MYH1: variants seen among roughly 807,000 people sequenced by gnomAD.
The protein encoded by MYH1 is myosin heavy chain 1.
A neutral mutation model predicts 225.6 loss-of-function variants in MYH1; 214 were observed. That is an observed-to-expected ratio of 0.95 (90% CI 0.85 to 1.06). The LOEUF (loss-of-function observed/expected upper bound fraction) is 1.06. Ranked by LOEUF, MYH1 falls within the 50% of genes least tolerant of loss-of-function variation. MYH1 has a pLI of 0.00. For synonymous variants in MYH1, 774 were observed against 842.3 expected (o/e 0.92, Z 1.40); for missense variants, 2,098 against 2,344.2 (o/e 0.89, Z 2.17).
chr17:10,504,442 G>A (rs561088828), intron 22 of MYH1, among the ~76,000 whole-genome samples: 3 of 152,314 alleles, frequency 2.0e-5, no homozygotes, highest in Non-Finnish European at 4.4e-5. Flanking sequence ...TCAAGTTAAT[G>A]TGTTTTCATC....
chr17:10,496,726 C>A (rs1247494285), intron 33 of MYH1, among the ~76,000 whole-genome samples, 177 bp from the exon 34 acceptor site: 1 of 152,206 alleles, frequency 6.6e-6, no homozygotes, highest in Non-Finnish European at 1.5e-5. Context: ...CTCTAACACA[C>A]ACACTGTCTG....
intron 14 of MYH1, 54 bp from the exon 15 acceptor site, chr17:10,509,709 T>C: frequency 6.2e-7 from 1 of 1,613,930 alleles, no homozygotes; most frequent in Admixed American, 1.7e-5. Context: ...AATCTTCTCT[T>C]TGAAAGGGGT....
chr17:10,516,465 C>A lies in MYH1; in HGVS notation c.178G>T (p.Val60Leu), dbSNP rs771323354. The part of the protein sequence containing the change: ...ATVQSREGGK[V>L]TAKTEAGATV... ...GCTCCAGCTTCGGTCTTAGCTGTCA[C>A]CTTCCCCCCTTCCCTGCTCTGCACT... The change falls in exon 3 of 40, where the codon GTG becomes TTG. Residue 60 changes from valine (V) to leucine (L), a missense_variant. Transcript: ENST00000226207. 6.2e-7 allele frequency: 1 copy of A among 1,614,214 alleles called. No homozygotes were observed. Among genetic ancestry groups the A allele is most frequent in the Non-Finnish European group, 8.5e-7 (1 of 1,180,046 alleles).
Position 10,495,017 on chromosome 17 carries a change from C to A in MYH1, c.5380G>T (p.Val1794Leu). The A allele has an allele frequency of 6.2e-7, 1 of 1,614,240 alleles. No individual in the cohort carries two copies. The highest frequency in any genetic ancestry group is 8.5e-7 in the Non-Finnish European group (1 of 1,180,054). ...ERMKKNLEQTVKDLQHRLDEA... is the reference protein window; with the variant it reads ...ERMKKNLEQTLKDLQHRLDEA... ...TCCAGACGATGCTGCAGGTCCTTCA[C>A]CGTCTGTTCCAGGTTCTTCTTCATC... Residue 1794 changes from valine (V) to leucine (L), a missense_variant, in exon 37 of 40, where the codon GTG (valine) becomes TTG (leucine). Transcript: ENST00000226207.
intron 14 of MYH1, among the ~76,000 whole-genome samples, chr17:10,510,357 A>T (rs2073158876): frequency 6.6e-6 from 1 of 152,168 alleles, no homozygotes; most frequent in African/African-American, 2.4e-5. Flanking sequence ...TGCCTTGTAT[A>T]AGTTACTGCA....
chr17:10,510,324 T>C (rs143885862), intron 14 of MYH1, among the ~76,000 whole-genome samples: 2,024 of 152,328 alleles, frequency 0.013, 21 homozygotes, highest in South Asian at 0.034. Flanking sequence ...GAACATTTAC[T>C]CTACAGTAGA....
chr17:10,503,948 C>T (rs1258360312), intron 22 of MYH1, among the ~76,000 whole-genome samples: 1 of 152,156 alleles, frequency 6.6e-6, no homozygotes, highest in East Asian at 1.9e-4. Context: ...GTGGAAAACC[C>T]TGATCTATAC....
rs111523204 is a variant in MYH1, at chr17:10,496,976, T to C, written c.4656+93A>G. On this transcript the variant is annotated intron_variant, in intron 33 of 39. Transcript: ENST00000226207. ...TCATCCCTAGTTCATGGAGCAAAAA[T>C]TATTTTTCGTTTCTCTTGATTCACC... 3.6e-5 allele frequency: 55 copies of C among 1,515,260 alleles called. No homozygotes were observed. The African/African-American group carries it at 7.0e-4, about 19-fold the overall frequency. The allele number at this position is 1,515,260 out of a possible 1,614,324, so 93.9% of individuals were successfully genotyped here.
chr17:10,502,282 T>C (rs1286214882), intron 24 of MYH1, among the ~76,000 whole-genome samples: 1 of 152,238 alleles, frequency 6.6e-6, no homozygotes, highest in African/African-American at 2.4e-5. Context: ...TATCAGATCA[T>C]GTTTAAAGCC....
intron 16 of MYH1, 52 bp from the exon 17 acceptor site, chr17:10,508,008 T>G: frequency 1.4e-6 from 2 of 1,455,406 alleles, no homozygotes; most frequent in Non-Finnish European, 1.9e-6. Context: ...GGTTATGGTT[T>G]TTTTTTTTTG....
chr17:10,492,640 A>G, intron 39 of MYH1, 72 bp from the exon 40 acceptor site: 1 of 1,460,402 alleles, frequency 6.8e-7, no homozygotes, highest in South Asian at 1.4e-5. Context: ...TGGATCTTGA[A>G]TTTCCTTTTT....
chr17:10,497,858 T>C lies in MYH1; in HGVS notation c.4241A>G (p.Lys1414Arg), dbSNP rs750880701. ...AEEHVEAVNA[K>R]CASLEKTKQR... is the part of the protein sequence containing the mutation. ...CTTCGTCTTCTCAAGGGAAGCACAT[T>C]TGGCATTCACAGCTTCTACATGTTC... The change falls in exon 31 of 40, where the codon AAA becomes AGA. Residue 1414 changes from lysine (K) to arginine (R), a missense_variant. Transcript: ENST00000226207. 2 of 1,613,750 alleles carry C rather than the reference T, an allele frequency of 1.2e-6. No individual in the cohort carries two copies. The highest frequency in any genetic ancestry group is 1.7e-6 in the Non-Finnish European group (2 of 1,179,932).
At chr17:10,496,594 G>A (rs747466870) in intron 33 of MYH1, 45 bp from the exon 34 acceptor site, 1 of 1,612,066 alleles carries the variant, frequency 6.2e-7, no homozygotes, top group Non-Finnish European at 8.5e-7. Flanking sequence ...ATGGAAGTGT[G>A]TAGTATTCTA....
chr17:10,512,533 A>C lies in MYH1; in HGVS notation c.1022T>G (p.Ile341Ser). The C allele has an allele frequency of 6.2e-7, 1 of 1,614,124 alleles. No homozygotes were observed. The highest frequency in any genetic ancestry group is 8.5e-7 in the Non-Finnish European group (1 of 1,179,994). The change falls in exon 12 of 40, where the codon ATT (isoleucine) becomes AGT (serine). Residue 341 changes from isoleucine to serine, a missense_variant. Ile to Ser is a moderately radical substitution (Grantham distance 142). Coordinates refer to ENST00000226207, the MANE Select transcript of MYH1 (RefSeq NM_005963.4). Reference protein sequence around the residue: ...ELMATDSAIEILGFTSDERVS... With the variant: ...ELMATDSAIESLGFTSDERVS... ...TCTTTCATCTGAAGTAAAGCCCAGA[A>C]TTTCAATGGCACTCTACCATGAGAG...
rs192884465 is a variant in MYH1 at position 10,509,464 on chromosome 17, G to C, written c.1587+21C>G. 9.9e-5 allele frequency: 159 copies of C among 1,613,974 alleles called. No individual in the cohort carries two copies. The African/African-American group carries it at 1.8e-3, about 19-fold the overall frequency. On this transcript the variant is annotated intron_variant, in intron 15 of 39. Transcript: ENST00000226207. Reference sequence around the variant, plus strand: ...ATACTGTACAGCAGTATGATCTGTGGTCTGCAAAAAGCAAGCCAACCTTCT... The same window carrying C: ...ATACTGTACAGCAGTATGATCTGTGCTCTGCAAAAAGCAAGCCAACCTTCT...
At chr17:10,505,111 AGAATTAAAACACCTAAGAT>A in intron 21 of MYH1, 33 bp downstream of exon 21, 1 of 1,612,894 alleles carries the variant, frequency 6.2e-7, no homozygotes, top group Non-Finnish European at 8.5e-7. Flanking sequence ...AATAAGAAGC[AGAATTAAAACACCTAAGAT>A]GATGAGGTTA....
At chr17:10,516,750 T>C (rs115078207) in intron 2 of MYH1, 68 bp from the exon 3 acceptor site, 7 of 1,353,108 alleles carry the variant, frequency 5.2e-6, no homozygotes, top group Non-Finnish European at 7.0e-6. Context: ...TTTAAAACTT[T>C]AAAAAAAAAT....
Position 10,505,150 on chromosome 17 carries a change from T to A in MYH1, c.2435+13A>T. On this transcript the variant is annotated intron_variant, in intron 21 of 39. Transcript: ENST00000226207. ...TAAGATGATGAGGTTAAGTAAAGAA[T>A]TCTTATTAATACCTTCTTTCCACCA... The A allele has an allele frequency of 6.2e-7, 1 of 1,613,912 alleles. No individual in the cohort carries two copies. The highest frequency in any genetic ancestry group is 8.5e-7 in the Non-Finnish European group (1 of 1,179,952).
rs1039035017 is a variant in MYH1, at chr17:10,518,264, A to T, written c.-65T>A. Reference sequence around the variant, plus strand: ...CCGTAGAGATGCGACCTTAAAGTGGATCAGAACTGTAAGAAAAAGAGCAAA... The same window carrying T: ...CCGTAGAGATGCGACCTTAAAGTGGTTCAGAACTGTAAGAAAAAGAGCAAA... On this transcript the variant is annotated 5_prime_UTR_variant, in exon 2 of 40. Transcript: ENST00000226207. The T allele has an allele frequency of 2.0e-5, 3 of 152,212 alleles. No individual in the cohort carries two copies. The highest frequency in any genetic ancestry group is 6.5e-5 in the Admixed American group (1 of 15,286). The allele number at this position is 152,212 out of a possible 1,614,324, so 9.4% of individuals were successfully genotyped here.
Sources: gnomAD v4.1 joint callset for allele counts (sites outside exome capture counted in the v4.1 genomes callset) on GRCh38, gnomAD v4.1.1 for gene constraint, MANE v1.5 for transcripts, NCBI Gene and HGNC (gene_info 2026-07-23, HGNC 2026-07-21) for gene names.